PTPRD: variants seen among roughly 807,000 people sequenced by gnomAD.
PTPRD encodes receptor-type tyrosine-protein phosphatase delta.
PTPRD carries 34 observed loss-of-function variants against 214.5 expected under a neutral mutation model. The observed-to-expected ratio is 0.16, with a 90% CI of 0.12 to 0.21. The LOEUF (loss-of-function observed/expected upper bound fraction) is 0.21, where lower values mean the gene tolerates loss of function less well. Among genes scored for constraint, PTPRD ranks in the 10% least tolerant of loss-of-function variants. PTPRD has a pLI of 1.00. For missense variants in PTPRD, 2,545 were observed against 2,398.7 expected (o/e 1.06, Z -1.27); for synonymous variants, 1,128 against 845.7 (o/e 1.33, Z -5.79).
chr9:10,581,890 C>G (rs1252091680), intron 2 of PTPRD, among the ~76,000 whole-genome samples: 1 of 152,112 alleles, frequency 6.6e-6, no homozygotes, highest in Non-Finnish European at 1.5e-5. Context: ...TAAGCACCAT[C>G]AAGCTACATC....
chr9:9,346,624 C>G (rs1049478506), intron 9 of PTPRD, among the ~76,000 whole-genome samples: 3 of 151,954 alleles, frequency 2.0e-5, no homozygotes, highest in African/African-American at 2.4e-5. Context: ...CTCTATAACT[C>G]TATGTTTTTG....
chr9:9,893,830 T>G (rs1248809981), intron 5 of PTPRD, among the ~76,000 whole-genome samples: 1 of 151,832 alleles, frequency 6.6e-6, no homozygotes, highest in African/African-American at 2.4e-5. Flanking sequence ...ATGTTTTGAG[T>G]TTTTTTTAGA....
chr9:9,686,114 A>G (rs1012492075), intron 7 of PTPRD, among the ~76,000 whole-genome samples: 1 of 151,338 alleles, frequency 6.6e-6, no homozygotes, highest in Non-Finnish European at 1.5e-5. Context: ...TAGATGCTCT[A>G]TATCTGTTGG....
In PTPRD at chr9:8,397,013, A is replaced by C. The variant is rs184857393; in HGVS notation, c.4210+7524T>G. Among the ~76,000 whole-genome samples the C allele has an allele frequency of 1.2e-3, 184 of 152,274 alleles. 1 individual carries two copies. Among genetic ancestry groups the C allele is most frequent in the African/African-American group, 4.3e-3 (180 of 41,562 alleles). On this transcript the variant is annotated intron_variant, in intron 36 of 45. Transcript: ENST00000381196. Reference sequence around the variant, plus strand: ...AAACGATTAACTTGAAAATAGAAAAACTGAAAATGCTGCAGAAACCATGTT... The same window carrying C: ...AAACGATTAACTTGAAAATAGAAAACCTGAAAATGCTGCAGAAACCATGTT...
intron 10 of PTPRD, among the ~76,000 whole-genome samples, chr9:9,168,806 G>A (rs116244465): frequency 0.015 from 2,244 of 151,872 alleles, 59 homozygotes; most frequent in African/African-American, 0.052. Flanking sequence ...TATTTGTTAC[G>A]GGTACATTTG....
chr9:9,667,506 G>A (rs1430829265), intron 7 of PTPRD, among the ~76,000 whole-genome samples: 2 of 152,164 alleles, frequency 1.3e-5, no homozygotes, highest in South Asian at 2.1e-4. Flanking sequence ...CAGTAAAAAC[G>A]GTAAGGAAGT....
At chr9:9,923,284 A>C (rs1216870424) in intron 5 of PTPRD, among the ~76,000 whole-genome samples, 2 of 151,528 alleles carry the variant, frequency 1.3e-5, no homozygotes, top group African/African-American at 4.8e-5. Flanking sequence ...TAATGAATAG[A>C]AGAGTGGAAG....
chr9:9,826,309 G>C (rs911124291), intron 5 of PTPRD, among the ~76,000 whole-genome samples: 1 of 151,232 alleles, frequency 6.6e-6, no homozygotes, highest in Non-Finnish European at 1.5e-5. Flanking sequence ...TTTCTTTCCT[G>C]AGCTCCATCA....
chr9:9,244,690 A>G (rs1426261795), intron 9 of PTPRD, among the ~76,000 whole-genome samples: 1 of 152,150 alleles, frequency 6.6e-6, no homozygotes, highest in African/African-American at 2.4e-5. Context: ...ACCCTAGAAG[A>G]AAACCTAGGC....
chr9:9,390,707 T>C (rs996203559), intron 9 of PTPRD, among the ~76,000 whole-genome samples: 2 of 152,174 alleles, frequency 1.3e-5, no homozygotes, highest in Non-Finnish European at 2.9e-5. Context: ...GCAGACTTAG[T>C]GTTGCTTTTA....
chr9:8,712,536 A>C (rs925861669), intron 12 of PTPRD, among the ~76,000 whole-genome samples: 10 of 151,934 alleles, frequency 6.6e-5, no homozygotes, highest in African/African-American at 9.7e-5. Flanking sequence ...TACTGCCTCC[A>C]GGATCCAGAA....
At chr9:9,317,900 G>T (rs777671043) in intron 9 of PTPRD, among the ~76,000 whole-genome samples, 1 of 151,984 alleles carries the variant, frequency 6.6e-6, no homozygotes, top group Non-Finnish European at 1.5e-5. Flanking sequence ...AGCCGGGTGC[G>T]GTGGCTCACG....
intron 4 of PTPRD, among the ~76,000 whole-genome samples, chr9:9,975,965 A>C (rs543758787): frequency 2.0e-5 from 3 of 152,328 alleles, no homozygotes; most frequent in Non-Finnish European, 2.9e-5. Context: ...CCTGAAAAGC[A>C]GTAGAAGGCA....
At chr9:10,532,724 T>A (rs1211921577) in intron 2 of PTPRD, among the ~76,000 whole-genome samples, 1 of 151,440 alleles carries the variant, frequency 6.6e-6, no homozygotes, top group African/African-American at 2.4e-5. Context: ...TTTTAATCAA[T>A]GAGAATTACC....
At chr9:9,397,209 G>A (rs1255813990) in intron 9 of PTPRD, among the ~76,000 whole-genome samples, 2 of 152,070 alleles carry the variant, frequency 1.3e-5, no homozygotes, top group East Asian at 1.9e-4. Flanking sequence ...GATTGTTAAA[G>A]TTTGAGTAAG....
At chr9:8,757,121 A>G (rs2094051198) in intron 11 of PTPRD, among the ~76,000 whole-genome samples, 1 of 152,200 alleles carries the variant, frequency 6.6e-6, no homozygotes, top group Non-Finnish European at 1.5e-5. Context: ...CAGCGTGGGC[A>G]ACAGAGTGAG....
intron 11 of PTPRD, among the ~76,000 whole-genome samples, chr9:8,773,532 T>G (rs73425037): frequency 0.048 from 7,265 of 152,282 alleles, 439 homozygotes; most frequent in African/African-American, 0.14. Flanking sequence ...ATCTGTTTTA[T>G]GGCTTGTTTC....
At position 8,404,729 on chromosome 9, in the gene PTPRD, A is replaced by T. The variant is rs950311161; in HGVS notation, c.4087-69T>A. 5.3e-6 allele frequency: 8 copies of T among 1,509,732 alleles called. No individual in the cohort carries two copies. In the African/African-American group the frequency reaches 1.1e-4, roughly 21 times the overall value. The allele number at this position is 1,509,732 out of a possible 1,614,324, so 93.5% of individuals were successfully genotyped here. ...AACCACCAGATTATAGGCATTTATC[A>T]CATGTAATAAACATGATTTAAAAGG... On this transcript the variant is annotated intron_variant, in intron 35 of 45. Transcript: ENST00000381196.
chr9:9,484,066 TA>T (rs1260147881), intron 8 of PTPRD, among the ~76,000 whole-genome samples: 13 of 152,096 alleles, frequency 8.5e-5, no homozygotes, highest in African/African-American at 2.9e-4. Flanking sequence ...AGCTGCATTT[TA>T]TATTTAAGTA....
Sources: gnomAD v4.1 joint callset for allele counts (sites outside exome capture counted in the v4.1 genomes callset) on GRCh38, gnomAD v4.1.1 for gene constraint, MANE v1.5 for transcripts, NCBI Gene and HGNC (gene_info 2026-07-23, HGNC 2026-07-21) for gene names.